GRAMD1B: variants seen among roughly 807,000 people sequenced by gnomAD.
GRAMD1B encodes GRAM domain containing 1B.
Under a neutral mutation model 99.7 loss-of-function variants are expected in GRAMD1B, and 37 were observed. The observed-to-expected ratio is 0.37, with a 90% CI of 0.29 to 0.49. The LOEUF is 0.49. GRAMD1B is among the 20% of genes least tolerant of loss of function. The probability of loss-of-function intolerance (pLI) is 0.98; values close to 1 mark genes in which losing one functional copy is unlikely to be tolerated. For synonymous variants in GRAMD1B, 427 were observed against 387.6 expected, an observed-to-expected ratio of 1.10 and a Z score of -1.19; for missense variants, 888 against 1,009.2, an observed-to-expected ratio of 0.88 and a Z score of 1.63.
chr11:123,598,050 C>G (rs546859778), intron 7 of GRAMD1B: 15 of 1,395,560 alleles, frequency 1.1e-5, no homozygotes, highest in Non-Finnish European at 1.5e-5. Flanking sequence ...CATTCTGAAG[C>G]CTTCTGCAAT....
At chr11:123,469,397 T>G (rs1950871428) in intron 1 of GRAMD1B, among the ~76,000 whole-genome samples, 1 of 150,566 alleles carries the variant, frequency 6.6e-6, no homozygotes, top group Admixed American at 6.6e-5. Context: ...GGGTGAGGAG[T>G]GATGAGAGCT....
chr11:123,364,372 G>C (rs531314743), intron 1 of GRAMD1B, among the ~76,000 whole-genome samples: 2 of 152,234 alleles, frequency 1.3e-5, no homozygotes, highest in African/African-American at 2.4e-5. Context: ...CTCTGACGCA[G>C]GGAGCGATTG....
At chr11:123,523,261 G>A (rs771336192) in intron 2 of GRAMD1B, among the ~76,000 whole-genome samples, 7 of 152,162 alleles carry the variant, frequency 4.6e-5, no homozygotes, top group Non-Finnish European at 7.3e-5. Flanking sequence ...GAACCCTGCC[G>A]GCAGAGGTTG....
Position 123,402,361 on chromosome 11 carries a change from A to G in GRAMD1B, c.-176+43562A>G, listed in dbSNP as rs543455172. Among the ~76,000 whole-genome samples the G allele has an allele frequency of 8.5e-5, 13 of 152,326 alleles. No individual in the cohort carries two copies. The South Asian group carries it at 2.7e-3, about 32-fold the overall frequency. ...TCTGCTTTCTGGTTTATGTCTGATT[A>G]GGGGTGTCCAAATAGCCAGATAGAT... On this transcript the variant is annotated intron_variant, in intron 1 of 20. Coordinates refer to the GRAMD1B transcript ENST00000638157.
chr11:123,555,066 C>T (rs1466239894), intron 2 of GRAMD1B, among the ~76,000 whole-genome samples: 1 of 152,158 alleles, frequency 6.6e-6, no homozygotes, highest in Non-Finnish European at 1.5e-5. Context: ...AAAGGGCAGC[C>T]CCTTCTAGTG....
chr11:123,618,577 A>C, intron 17 of GRAMD1B, 116 bp from the exon 18 acceptor site: 2 of 811,010 alleles, frequency 2.5e-6, no homozygotes, highest in East Asian at 4.9e-5. Context: ...TCAGTCACTC[A>C]CTGCAATGCT....
At chr11:123,508,418 A>G (rs535669460) in intron 2 of GRAMD1B, among the ~76,000 whole-genome samples, 3 of 152,348 alleles carry the variant, frequency 2.0e-5, no homozygotes, top group Non-Finnish European at 4.4e-5. Context: ...TCTTAATACT[A>G]TACTGTTACA....
intron 1 of GRAMD1B, among the ~76,000 whole-genome samples, chr11:123,418,315 T>C (rs1948301448): frequency 6.6e-6 from 1 of 152,166 alleles, no homozygotes; most frequent in Admixed American, 6.5e-5. Context: ...GATTTGCCCA[T>C]CTGGAGATCT....
chr11:123,374,503 G>A (rs902855475), intron 1 of GRAMD1B, among the ~76,000 whole-genome samples: 1 of 152,174 alleles, frequency 6.6e-6, no homozygotes, highest in Middle Eastern at 3.2e-3. Context: ...AAGCCTGAGA[G>A]CAGCCTAACT....
At chr11:123,553,119 T>C (rs529059954) in intron 2 of GRAMD1B, among the ~76,000 whole-genome samples, 1 of 152,336 alleles carries the variant, frequency 6.6e-6, no homozygotes, top group Non-Finnish European at 1.5e-5. Context: ...TAGTTGGTTA[T>C]GTAAAAACTC....
At chr11:123,607,165 T>A (rs1222391347) in intron 11 of GRAMD1B, among the ~76,000 whole-genome samples, 2 of 152,180 alleles carry the variant, frequency 1.3e-5, no homozygotes, top group Non-Finnish European at 2.9e-5. Flanking sequence ...AGAAACGTCC[T>A]CAAGATAGCT....
intron 1 of GRAMD1B, among the ~76,000 whole-genome samples, chr11:123,439,520 A>T (rs1949313389): frequency 6.6e-6 from 1 of 152,176 alleles, no homozygotes; most frequent in African/African-American, 2.4e-5. Flanking sequence ...GGATAAAGAA[A>T]ACCATGGGTT....
At chr11:123,525,734 C>A (rs1942650525) in intron 2 of GRAMD1B, 2 of 207,416 alleles carry the variant, frequency 9.6e-6, no homozygotes, top group Admixed American at 1.1e-4. Flanking sequence ...GCTTCCTTCC[C>A]CAAAGCAGCT....
At chr11:123,439,056 A>G (rs1412642213) in intron 1 of GRAMD1B, among the ~76,000 whole-genome samples, 3 of 152,238 alleles carry the variant, frequency 2.0e-5, no homozygotes, top group Non-Finnish European at 2.9e-5. Context: ...TCCATAGCAC[A>G]TATCAGTGTG....
chr11:123,593,346 T>G (rs1192536010), intron 4 of GRAMD1B, among the ~76,000 whole-genome samples: 1 of 152,172 alleles, frequency 6.6e-6, no homozygotes, highest in Non-Finnish European at 1.5e-5. Context: ...TAAGGCAGTT[T>G]CTGGGTATCA....
In GRAMD1B at chr11:123,577,583, C is replaced by A. The variant is rs976317856; in HGVS notation, c.663+6C>A. ...GCGGCGGCAAGAATTCCAAGGTGAG[C>A]GGGACCCCGTTGAGGCGGTACCTCC... On this transcript the variant is annotated splice_donor_region_variant and intron_variant, in intron 3 of 19. Coordinates refer to ENST00000635736, the MANE Select transcript of GRAMD1B (RefSeq NM_001387025.1). 1 of 1,571,228 alleles carries A rather than the reference C, an allele frequency of 6.4e-7. No homozygotes were observed. The highest frequency in any genetic ancestry group is 8.6e-7 in the Non-Finnish European group (1 of 1,157,646).
intron 1 of GRAMD1B, among the ~76,000 whole-genome samples, chr11:123,371,526 T>A (rs2135734706): frequency 6.6e-6 from 1 of 152,316 alleles, no homozygotes; most frequent in African/African-American, 2.4e-5. Context: ...CTTTATGAAC[T>A]TTTAGGCCCA....
At chr11:123,460,182 A>G (rs967384866) in intron 1 of GRAMD1B, 1 of 152,178 alleles carries the variant, frequency 6.6e-6, no homozygotes, top group Non-Finnish European at 1.5e-5. Flanking sequence ...TGTTGCCTCC[A>G]TGCTACTGAA....
At chr11:123,423,241 G>GACAC (rs57312255) in intron 1 of GRAMD1B, among the ~76,000 whole-genome samples, 4,484 of 146,228 alleles carry the variant, frequency 0.031, 194 homozygotes, top group African/African-American at 0.097. Flanking sequence ...CCAACAATAA[G>GACAC]ACACACACAC....
Sources: allele counts gnomAD v4.1 joint callset (sites outside exome capture counted in the v4.1 genomes callset), GRCh38; gene constraint gnomAD v4.1.1; transcripts MANE v1.5; gene names NCBI Gene and HGNC (gene_info 2026-07-23, HGNC 2026-07-21).